The following OPN5 variants were observed in gnomAD, a reference collection of about 807,000 sequenced individuals.
OPN5 encodes the protein opsin-5.
In OPN5, 18 loss-of-function variants were observed where a neutral mutation model predicts 41.7. The observed-to-expected ratio is 0.43, with a 90% CI of 0.30 to 0.64. The LOEUF (loss-of-function observed/expected upper bound fraction) is 0.64, where lower values mean the gene tolerates loss of function less well. OPN5 is among the 30% of genes least tolerant of loss of function. The pLI, the probability that OPN5 is intolerant of heterozygous loss-of-function variation, is 0.13. For synonymous variants in OPN5, 178 were observed against 164.3 expected (o/e 1.08, Z -0.64); for missense variants, 318 against 434.5 (o/e 0.73, Z 2.38).
chr6:47,790,394 T>G lies in OPN5; in HGVS notation c.251-1408T>G, dbSNP rs575113420. Among the ~76,000 whole-genome samples the G allele has an allele frequency of 2.7e-5, 4 of 146,864 alleles. No homozygotes were observed. The East Asian group carries it at 1.6e-3, about 58-fold the overall frequency. The stretch of plus-strand genomic sequence containing the variant: ...TACCTACTTCCCCTTCAGGGGACAC[T>G]CTCTCTCTCTTTCTCTCTCTCTGTG... On this transcript the variant is annotated intron_variant, in intron 2 of 6. Coordinates refer to ENST00000371211, the Ensembl canonical transcript of OPN5.
intron 6 of OPN5, among the ~76,000 whole-genome samples, chr6:47,817,087 C>T (rs1399435493): frequency 5.3e-5 from 8 of 152,014 alleles, no homozygotes; most frequent in African/African-American, 1.9e-4. Context: ...GGAACTGATG[C>T]TATGAGACAT....
At chr6:47,806,265 C>A (rs1282114620) in intron 4 of OPN5, among the ~76,000 whole-genome samples, 1 of 152,040 alleles carries the variant, frequency 6.6e-6, no homozygotes, top group Non-Finnish European at 1.5e-5. Flanking sequence ...AAGGAATATC[C>A]TAGTAGATAA....
At chr6:47,785,010 G>C (rs1268649941) in intron 1 of OPN5, among the ~76,000 whole-genome samples, 1 of 152,022 alleles carries the variant, frequency 6.6e-6, no homozygotes, top group East Asian at 1.9e-4. Context: ...ACTATTTTTT[G>C]ATAATGCTTT....
chr6:47,793,055 T>A lies in OPN5; in HGVS notation c.421+1083T>A, dbSNP rs1773435370. Among the ~76,000 whole-genome samples, 4 of 151,022 alleles carry A rather than the reference T, an allele frequency of 2.6e-5. No individual in the cohort carries two copies. The South Asian group carries it at 8.4e-4, about 32-fold the overall frequency. ...AAACTTCCAATAGAAATAGCTTGAATCAAAATTTCCAGTAAGATATAAAAT... is the reference window on the plus strand; with the variant it reads ...AAACTTCCAATAGAAATAGCTTGAAACAAAATTTCCAGTAAGATATAAAAT... On this transcript the variant is annotated intron_variant, in intron 3 of 6. Transcript: ENST00000371211.
intron 4 of OPN5, among the ~76,000 whole-genome samples, chr6:47,804,636 C>T (rs982530076): frequency 6.6e-6 from 1 of 152,152 alleles, no homozygotes; most frequent in Non-Finnish European, 1.5e-5. Context: ...CTTATATTAA[C>T]TTTGTATTCA....
chr6:47,818,095 T>C (rs6907470), intron 6 of OPN5, among the ~76,000 whole-genome samples: 12,463 of 152,242 alleles, frequency 0.082, 555 homozygotes, highest in South Asian at 0.14. Context: ...GAGTTACACT[T>C]ATCTAAGTAT....
chr6:47,811,836 A>G, intron 6 of OPN5, 105 bp downstream of exon 6: 1 of 666,246 alleles, frequency 1.5e-6, no homozygotes, highest in Non-Finnish European at 2.5e-6. Context: ...TTTATATTAT[A>G]TTTTTATATT....
chr6:47,795,955 C>T (rs542484138), intron 4 of OPN5, among the ~76,000 whole-genome samples: 6 of 152,124 alleles, frequency 3.9e-5, no homozygotes, highest in Non-Finnish European at 8.8e-5. Flanking sequence ...GTATTTTCTG[C>T]GTTGCATGGA....
intron 4 of OPN5, among the ~76,000 whole-genome samples, chr6:47,801,838 G>T (rs1773786636): frequency 6.6e-6 from 1 of 150,650 alleles, no homozygotes. Context: ...TGTGTCCCCA[G>T]GACCTAATAC....
chr6:47,819,631 A>T (rs953071876), intron 6 of OPN5, among the ~76,000 whole-genome samples: 3 of 151,920 alleles, frequency 2.0e-5, no homozygotes, highest in African/African-American at 7.3e-5. Context: ...ATAGTGTCTT[A>T]CAGGTTTTTC....
chr6:47,784,304 T>TC (rs1304486466), intron 1 of OPN5, among the ~76,000 whole-genome samples: 1 of 6,152 alleles, frequency 1.6e-4, no homozygotes, highest in African/African-American at 3.8e-4. Context: ...GCAAGATTCC[T>TC]TTTTTTTTTG....
chr6:47,824,566 A>C (rs931038387), exon 7 of OPN5: 1 of 152,576 alleles, frequency 6.6e-6, no homozygotes, highest in Non-Finnish European at 1.5e-5. Context: ...AAGTTTTTCC[A>C]GGCCAGCTCC....
chr6:47,813,107 C>CAAAAAA (rs748382327), intron 6 of OPN5, among the ~76,000 whole-genome samples: 180 of 111,814 alleles, frequency 1.6e-3, no homozygotes, highest in African/African-American at 5.3e-3. Context: ...ACAACAACAA[C>CAAAAAA]AACAACAAGC....
chr6:47,819,910 C>T (rs1393612269), intron 6 of OPN5, among the ~76,000 whole-genome samples: 1 of 152,094 alleles, frequency 6.6e-6, no homozygotes, highest in Non-Finnish European at 1.5e-5. Flanking sequence ...TTCCTCCAAG[C>T]AAAATAATAA....
At chr6:47,808,090 C>T (rs1237387817) in intron 4 of OPN5, 64 bp from the exon 5 acceptor site, 29 of 1,547,074 alleles carry the variant, frequency 1.9e-5, no homozygotes, top group Admixed American at 3.4e-5. Context: ...CCATACCCAT[C>T]GTTTCAGACT....
exon 4 of OPN5, chr6:47,795,231 G>A (rs770813839): frequency 3.0e-5 from 47 of 1,590,470 alleles, no homozygotes; most frequent in Non-Finnish European, 3.9e-5. Flanking sequence ...GCCTCCAGGG[G>A]TTTGGCTGAA....
In OPN5 at chr6:47,791,984, G is replaced by C. The variant is rs776388805; in HGVS notation, c.421+12G>C. The stretch of plus-strand genomic sequence containing the variant: ...CTATTTATCTTATGGTAAGTTGGCA[G>C]GTTTCTCATTCCCTGACAGTTAAAG... On this transcript the variant is annotated intron_variant, in intron 3 of 6. Transcript: ENST00000371211. 1 of 1,606,372 alleles carries C rather than the reference G, an allele frequency of 6.2e-7. No individual in the cohort carries two copies. Among genetic ancestry groups the C allele is most frequent in the Admixed American group, 1.7e-5 (1 of 59,964 alleles).
At chr6:47,804,229 C>T (rs569141334) in intron 4 of OPN5, among the ~76,000 whole-genome samples, 122 of 152,072 alleles carry the variant, frequency 8.0e-4, no homozygotes, top group Middle Eastern at 3.4e-3. Context: ...TGAATTTCCG[C>T]CCACAAAAAT....
rs1483200576 is a variant in OPN5, at chr6:47,796,832, C to T, written c.756+1269C>T. On this transcript the variant is annotated intron_variant, in intron 4 of 6. Transcript: ENST00000371211. ...CATATTGTATTAGTCTGCTATCACACTGCTAATGAAGATGTACCCAAGATG... is the reference window on the plus strand; with the variant it reads ...CATATTGTATTAGTCTGCTATCACATTGCTAATGAAGATGTACCCAAGATG... 1.6e-4 allele frequency among the ~76,000 whole-genome samples: 25 copies of T among 152,168 alleles called. 1 individual carries two copies.
Sources: gnomAD v4.1 joint callset for allele counts (sites outside exome capture counted in the v4.1 genomes callset) on GRCh38, gnomAD v4.1.1 for gene constraint, MANE v1.5 for transcripts, NCBI Gene and HGNC (gene_info 2026-07-23, HGNC 2026-07-21) for gene names.